Variants in KCNA2 observed in about 807,000 individuals in gnomAD.
KCNA2 encodes the protein potassium channel, voltage gated shaker related subfamily A, member 2.
In KCNA2, 11 loss-of-function variants were observed where a neutral mutation model predicts 33.4. That is an observed-to-expected ratio of 0.33 (90% CI 0.21 to 0.55). KCNA2 has a LOEUF of 0.55. Ranked by LOEUF, KCNA2 falls within the 20% of genes least tolerant of loss-of-function variation. KCNA2 has a pLI of 0.93. For synonymous variants in KCNA2, 222 were observed against 231.3 expected (o/e 0.96, Z 0.37); for missense variants, 291 against 621.6 (o/e 0.47, Z 5.66).
intron 1 of KCNA2, among the ~76,000 whole-genome samples, chr1:110,613,722 G>T (rs1026117962): frequency 6.6e-6 from 1 of 152,178 alleles, no homozygotes; most frequent in Non-Finnish European, 1.5e-5. Context: ...TCCCAGAGCT[G>T]GTGGCTCCCT....
At chr1:110,618,515 C>A (rs552808157) in intron 1 of KCNA2, among the ~76,000 whole-genome samples, 3 of 152,016 alleles carry the variant, frequency 2.0e-5, no homozygotes, top group African/African-American at 4.8e-5. Context: ...CCTTTCCTTT[C>A]GGAGGTAGGA....
Position 110,602,099 on chromosome 1 carries a change from G to A in KCNA2, c.*1184C>T. 1 of 1,550,546 alleles carries A rather than the reference G, an allele frequency of 6.4e-7. No individual in the cohort carries two copies. The highest frequency in any genetic ancestry group is 8.7e-7 in the Non-Finnish European group (1 of 1,146,994). On this transcript the variant is annotated 3_prime_UTR_variant, in exon 3 of 3. Transcript: ENST00000316361. Reference sequence around the variant, plus strand: ...TGCCCGCGACTAGGTTAATTCCTAAGGTGCAGTCATGTGAGGTGTTCAGAT... The same window carrying A: ...TGCCCGCGACTAGGTTAATTCCTAAAGTGCAGTCATGTGAGGTGTTCAGAT...
Position 110,596,163 on chromosome 1 carries a change from A to G in KCNA2, c.*7120T>C. 1.0e-6 allele frequency: 1 copy of G among 985,324 alleles called. No homozygotes were observed. Among genetic ancestry groups the G allele is most frequent in the Non-Finnish European group, 1.2e-6 (1 of 829,880 alleles). 61.0% of individuals were successfully genotyped at this position (985,324 alleles called of 1,614,324 possible). On this transcript the variant is annotated 3_prime_UTR_variant, in exon 3 of 3. Coordinates refer to ENST00000316361, the MANE Select transcript of KCNA2 (RefSeq NM_004974.4). ...TTCTAGAGAGGTCCCTAAGCAGAAA[A>G]AAAAAGAGTAGAACTGGAGAGGTGA... is the stretch of plus-strand genomic sequence containing the variant.
chr1:110,616,758 G>A (rs1650080025), intron 1 of KCNA2, among the ~76,000 whole-genome samples: 1 of 152,210 alleles, frequency 6.6e-6, no homozygotes, highest in Non-Finnish European at 1.5e-5. Flanking sequence ...GTCATGGTCT[G>A]TCCTCTAGCC....
chr1:110,600,997 C>T lies in KCNA2; in HGVS notation c.*2286G>A, dbSNP rs763075833. The T allele has an allele frequency of 1.9e-4, 189 of 985,416 alleles. No individual in the cohort carries two copies. The highest frequency in any genetic ancestry group is 6.8e-4 in the Admixed American group (11 of 16,266). 61.0% of individuals were successfully genotyped at this position (985,416 alleles called of 1,614,324 possible). ...ACTGTTTGGGAAAATTAAGCTACTC[C>T]GTCAAAAGGCAAAGACGCCCAGTCT... On this transcript the variant is annotated 3_prime_UTR_variant, in exon 3 of 3. Transcript: ENST00000316361.
At chr1:110,614,820 C>T (rs1649997121) in intron 1 of KCNA2, among the ~76,000 whole-genome samples, 1 of 152,210 alleles carries the variant, frequency 6.6e-6, no homozygotes. Flanking sequence ...ATAGGACCTG[C>T]TCAAGGTTGC....
upstream of KCNA2, among the ~76,000 whole-genome samples, chr1:110,608,832 C>T (rs984292791): frequency 1.3e-5 from 2 of 152,150 alleles, no homozygotes; most frequent in African/African-American, 4.8e-5. Context: ...AATCAGGATG[C>T]CCCTAAGGGT....
At chr1:110,612,548 C>T (rs1432528127) in intron 1 of KCNA2, among the ~76,000 whole-genome samples, 1 of 152,160 alleles carries the variant, frequency 6.6e-6, no homozygotes, top group African/African-American at 2.4e-5. Flanking sequence ...CCTCTCCCTC[C>T]CCACGCCGCC....
chr1:110,596,254 T>A lies in KCNA2; in HGVS notation c.*7029A>T. On this transcript the variant is annotated 3_prime_UTR_variant, in exon 3 of 3. Transcript: ENST00000316361. ...GCAGTTTATTCCTTGGATTGCCAAA[T>A]TTATTCCACATAAGTGAAACTAAGG... The A allele has an allele frequency of 1.0e-6, 1 of 984,206 alleles. No individual in the cohort carries two copies. Among genetic ancestry groups the A allele is most frequent in the Non-Finnish European group, 1.2e-6 (1 of 828,900 alleles). 61.0% of individuals were successfully genotyped at this position (984,206 alleles called of 1,614,324 possible). A position where few individuals can be genotyped will look rare whatever the true frequency, so the allele number is the denominator to read the frequency against.
chr1:110,604,153 G>C lies in KCNA2; in HGVS notation c.630C>G (p.Ile210Met). ...VTFHTYSNST[I>M]GYQQSTSFTD... ...TGAAGGAAGTGGACTGCTGGTACCCGATGGTGCTGTTGGAATAGGTGTGGA... is the reference window on the plus strand; with the variant it reads ...TGAAGGAAGTGGACTGCTGGTACCCCATGGTGCTGTTGGAATAGGTGTGGA... Residue 210 changes from isoleucine (I) to methionine (M), a missense_variant, in exon 3 of 3, where the codon ATC becomes ATG. Physicochemically the swap from Ile to Met is conservative, Grantham distance 10. Transcript: ENST00000316361. The surrounding 1 kb of genome is among the most constrained non-coding windows in gnomAD (Gnocchi z 7.6). The C allele has an allele frequency of 6.2e-7, 1 of 1,614,200 alleles. No individual in the cohort carries two copies. The highest frequency in any genetic ancestry group is 8.5e-7 in the Non-Finnish European group (1 of 1,180,036).
Position 110,596,047 on chromosome 1 carries a change from C to T in KCNA2, c.*7236G>A, listed in dbSNP as rs775325196. The T allele has an allele frequency of 8.3e-5, 82 of 985,326 alleles. No individual in the cohort carries two copies. The highest frequency in any genetic ancestry group is 9.6e-5 in the Non-Finnish European group (80 of 829,952). 61.0% of individuals were successfully genotyped at this position (985,326 alleles called of 1,614,324 possible). A position where few individuals can be genotyped will look rare whatever the true frequency, so the allele number is the denominator to read the frequency against. On this transcript the variant is annotated 3_prime_UTR_variant, in exon 3 of 3. Transcript: ENST00000316361. ...TAAAGCACCTGGCTGTTAGATCAGA[C>T]TTCCCTTTTATCCCTGAGTCAGGCA...
In KCNA2 at chr1:110,595,659, T is replaced by G; in HGVS notation, c.*7624A>C. On this transcript the variant is annotated 3_prime_UTR_variant, in exon 3 of 3. Coordinates refer to ENST00000316361, the MANE Select transcript of KCNA2 (RefSeq NM_004974.4). Reference sequence around the variant, plus strand: ...CAGGTTTTAGCTTGCATCCAGCTGTTTCTTGAGTGATGTGTACAGCTTACC... The same window carrying G: ...CAGGTTTTAGCTTGCATCCAGCTGTGTCTTGAGTGATGTGTACAGCTTACC... 1 of 985,430 alleles carries G rather than the reference T, an allele frequency of 1.0e-6. No homozygotes were observed. The highest frequency in any genetic ancestry group is 1.2e-6 in the Non-Finnish European group (1 of 829,952). 61.0% of individuals were successfully genotyped at this position (985,430 alleles called of 1,614,324 possible). A position where few individuals can be genotyped will look rare whatever the true frequency, so the allele number is the denominator to read the frequency against.
Position 110,603,506 on chromosome 1 carries a change from T to G in KCNA2, c.1277A>C (p.Gln426Pro). 1 of 1,614,136 alleles carries G rather than the reference T, an allele frequency of 6.2e-7. No individual in the cohort carries two copies. The stretch of plus-strand genomic sequence containing the variant: ...GCTTGTCACTTGCAAGTATTGGGCC[T>G]GTTCCTCTCCCTCTGTCTCCCGGTG... ...FYHRETEGEE[Q>P]AQYLQVTSCP... Residue 426 changes from glutamine to proline, a missense_variant, in exon 3 of 3, where the codon CAG becomes CCG. Physicochemically the swap from Gln to Pro is moderately conservative, Grantham distance 76. Transcript: ENST00000316361. This position sits in a 1 kb window ranked among gnomAD's most constrained non-coding sequence, Gnocchi z 5.7.
Position 110,595,562 on chromosome 1 carries a change from G to C in KCNA2, c.*7721C>G. ...TCTAGGTAGAAAGCAACAGTCAAATGCAAGAGGTGAGGCTGAGAGAAACTG... is the reference window on the plus strand; with the variant it reads ...TCTAGGTAGAAAGCAACAGTCAAATCCAAGAGGTGAGGCTGAGAGAAACTG... On this transcript the variant is annotated 3_prime_UTR_variant, in exon 3 of 3. Coordinates refer to ENST00000316361, the MANE Select transcript of KCNA2 (RefSeq NM_004974.4). 1 of 985,512 alleles carries C rather than the reference G, an allele frequency of 1.0e-6. No homozygotes were observed. The highest frequency in any genetic ancestry group is 1.1e-4 in the East Asian group (1 of 8,814). 61.0% of individuals were successfully genotyped at this position (985,512 alleles called of 1,614,324 possible).
chr1:110,607,066 C>T (rs979957250), upstream of KCNA2, among the ~76,000 whole-genome samples: 24 of 151,992 alleles, frequency 1.6e-4, no homozygotes, highest in African/African-American at 5.6e-4. Flanking sequence ...GCAAGTTCCC[C>T]TTGATCTCCC....
chr1:110,604,799 A>C lies in KCNA2; in HGVS notation c.-17T>G, dbSNP rs1438537981. ...CACTGTCATAATTGGGACTGAGAGAAGCACCTCACGCTATGCCTTTCAGCT... is the reference window on the plus strand; with the variant it reads ...CACTGTCATAATTGGGACTGAGAGACGCACCTCACGCTATGCCTTTCAGCT... On this transcript the variant is annotated 5_prime_UTR_variant, in exon 3 of 3. Transcript: ENST00000316361. The surrounding 1 kb of genome is among the most constrained non-coding windows in gnomAD (Gnocchi z 7.6). 1 of 1,601,276 alleles carries C rather than the reference A, an allele frequency of 6.2e-7. No individual in the cohort carries two copies. The highest frequency in any genetic ancestry group is 8.5e-7 in the Non-Finnish European group (1 of 1,173,286).
At chr1:110,607,444 G>A (rs1203216120), upstream of KCNA2, 4 of 152,438 alleles carry the variant, frequency 2.6e-5, no homozygotes, top group Non-Finnish European at 4.4e-5. Context: ...CTGGCTCGAC[G>A]GCGAACTCGA....
rs1649419309 is a variant in KCNA2, at chr1:110,602,848, CAGCT to C, written c.*431_*434del. On this transcript the variant is annotated 3_prime_UTR_variant, in exon 3 of 3. Transcript: ENST00000316361. ...TGAGTATGACCTTTTGAACAAACAC[CAGCT>C]ATTTAAAGCTAAGCCATGATTGTGT... is the stretch of plus-strand genomic sequence containing the variant. 1 of 1,003,888 alleles carries C rather than the reference CAGCT, an allele frequency of 1.0e-6. No homozygotes were observed. Among genetic ancestry groups the C allele is most frequent in the Non-Finnish European group, 1.2e-6 (1 of 842,454 alleles). 62.2% of individuals were successfully genotyped at this position (1,003,888 alleles called of 1,614,324 possible). A position where few individuals can be genotyped will look rare whatever the true frequency, so the allele number is the denominator to read the frequency against.
Position 110,598,937 on chromosome 1 carries a change from C to T in KCNA2, c.*4346G>A. ...CCTGGGCCTATTCCTTTTCGGTCTC[C>T]TGAAAACTCCAAGTTTCTTGAAAAT... On this transcript the variant is annotated 3_prime_UTR_variant, in exon 3 of 3. Coordinates refer to ENST00000316361, the MANE Select transcript of KCNA2 (RefSeq NM_004974.4). The T allele has an allele frequency of 2.2e-5, 22 of 985,422 alleles. No individual in the cohort carries two copies. The highest frequency in any genetic ancestry group is 2.5e-5 in the Non-Finnish European group (21 of 829,934). 61.0% of individuals were successfully genotyped at this position (985,422 alleles called of 1,614,324 possible).
Sources: allele counts gnomAD v4.1 joint callset (sites outside exome capture counted in the v4.1 genomes callset), GRCh38; gene constraint gnomAD v4.1.1; non-coding constraint Gnocchi (gnomAD v3.1); transcripts MANE v1.5; gene names NCBI Gene and HGNC (gene_info 2026-07-23, HGNC 2026-07-21).